The following TSHZ2 variants were observed in gnomAD, a reference collection of about 807,000 sequenced individuals.
The protein encoded by TSHZ2 is teashirt homolog 2.
Under a neutral mutation model 74.4 loss-of-function variants are expected in TSHZ2, and 21 were observed. The ratio of observed to expected loss-of-function variants is 0.28; its 90% confidence interval spans 0.20 to 0.41. The LOEUF is 0.41. TSHZ2 is among the 10% of genes least tolerant of loss of function. The pLI is 1.00. For missense variants in TSHZ2, 1,244 were observed against 1,293.5 expected (o/e 0.96, Z 0.59); for synonymous variants, 540 against 515.3 (o/e 1.05, Z -0.65).
Position 53,253,883 on chromosome 20 carries a change from G to A in TSHZ2, c.425G>A (p.Gly142Asp), listed in dbSNP as rs769652300. ...TCGGATTCCTACTGGTCAGGCCTGG[G>A]CCTTGGCTTCAAGCTGTCCAATAGT... ...ILSDSYWSGL[G>D]LGFKLSNSER... The change falls in exon 2 of 3, where the codon GGC (glycine) becomes GAC (aspartate). Residue 142 changes from glycine (G) to aspartate (D), a missense_variant. By Grantham distance (94) the Gly-to-Asp change is moderately conservative. Coordinates refer to ENST00000371497, the MANE Select transcript of TSHZ2 (RefSeq NM_173485.6). 1 of 1,614,216 alleles carries A rather than the reference G, an allele frequency of 6.2e-7. No homozygotes were observed.
At chr20:53,465,320 A>C (rs894612300) in intron 2 of TSHZ2, among the ~76,000 whole-genome samples, 1 of 151,962 alleles carries the variant, frequency 6.6e-6, no homozygotes, top group East Asian at 1.9e-4. Context: ...ACCCAGGCTG[A>C]AGTGCAATGG....
At chr20:53,204,820 G>A (rs538150165) in intron 1 of TSHZ2, among the ~76,000 whole-genome samples, 11 of 152,068 alleles carry the variant, frequency 7.2e-5, no homozygotes, top group African/African-American at 2.4e-4. Context: ...GGTGGCTCAC[G>A]CCTGTAATCC....
chr20:53,464,504 G>A (rs868406479), intron 2 of TSHZ2, among the ~76,000 whole-genome samples: 9 of 151,994 alleles, frequency 5.9e-5, no homozygotes, highest in South Asian at 2.1e-4. Flanking sequence ...CTCTCATTGC[G>A]CAGGCTAGAG....
chr20:53,306,400 G>A (rs1978546211), intron 2 of TSHZ2, among the ~76,000 whole-genome samples: 1 of 152,182 alleles, frequency 6.6e-6, no homozygotes, highest in African/African-American at 2.4e-5. Flanking sequence ...AGTAGAGGAA[G>A]CACAGCAGAG....
chr20:53,333,556 C>T (rs1209926408), intron 2 of TSHZ2, among the ~76,000 whole-genome samples: 12 of 151,948 alleles, frequency 7.9e-5, no homozygotes, highest in Non-Finnish European at 1.6e-4. Flanking sequence ...CCCGGGTTCA[C>T]GCCATTATCC....
chr20:53,332,664 G>A (rs1441024289), intron 2 of TSHZ2, among the ~76,000 whole-genome samples: 3 of 152,202 alleles, frequency 2.0e-5, no homozygotes, highest in Non-Finnish European at 1.5e-5. Flanking sequence ...TAAGAAGCCC[G>A]AGTGTGCTAA....
intron 2 of TSHZ2, among the ~76,000 whole-genome samples, chr20:53,387,733 T>G (rs1296780049): frequency 6.6e-6 from 1 of 152,112 alleles, no homozygotes; most frequent in African/African-American, 2.4e-5. Context: ...TTGGCAAGAA[T>G]GGGAGTGAAA....
chr20:52,987,295 C>T (rs1981803566), intron 1 of TSHZ2, among the ~76,000 whole-genome samples: 1 of 152,086 alleles, frequency 6.6e-6, no homozygotes, highest in African/African-American at 2.4e-5. Flanking sequence ...TTGCAGATTC[C>T]AGACCTACAG....
chr20:53,307,432 T>C (rs1330896088), intron 2 of TSHZ2, among the ~76,000 whole-genome samples: 1 of 152,170 alleles, frequency 6.6e-6, no homozygotes, highest in Non-Finnish European at 1.5e-5. Flanking sequence ...AGCAGCTGTT[T>C]CGACCCTTCA....
chr20:53,468,796 CAT>C (rs529135252), intron 2 of TSHZ2, among the ~76,000 whole-genome samples: 1 of 149,964 alleles, frequency 6.7e-6, no homozygotes, highest in Non-Finnish European at 1.5e-5. Context: ...ATTTGAGACA[CAT>C]ATTACAAATT....
At chr20:53,119,086 A>G (rs1986742346) in intron 1 of TSHZ2, among the ~76,000 whole-genome samples, 1 of 152,094 alleles carries the variant, frequency 6.6e-6, no homozygotes, top group Admixed American at 6.5e-5. Flanking sequence ...CCATGATCCA[A>G]CCACCTCCCA....
chr20:53,478,427 C>G (rs996342764), intron 2 of TSHZ2, among the ~76,000 whole-genome samples: 3 of 149,202 alleles, frequency 2.0e-5, no homozygotes, highest in Non-Finnish European at 4.4e-5. Flanking sequence ...AAACCAAACA[C>G]TGCATATTCT....
chr20:53,143,552 C>A (rs1987462566), intron 1 of TSHZ2, among the ~76,000 whole-genome samples: 1 of 152,054 alleles, frequency 6.6e-6, no homozygotes, highest in South Asian at 2.1e-4. Flanking sequence ...ATTAGCCGGG[C>A]ATGGTGGCGG....
At chr20:53,469,730 G>GAGGA (rs767245445) in intron 2 of TSHZ2, among the ~76,000 whole-genome samples, 766 of 61,750 alleles carry the variant, frequency 0.012, 32 homozygotes, top group Non-Finnish European at 0.02. Flanking sequence ...GGAAGGGAGG[G>GAGGA]AGGAAGGAAG....
intron 1 of TSHZ2, among the ~76,000 whole-genome samples, chr20:53,028,597 A>G (rs6097197): frequency 0.41 from 62,726 of 152,104 alleles, 13,255 homozygotes; most frequent in African/African-American, 0.48. Context: ...ATTCAATGTC[A>G]TGCTTTTTGG....
chr20:53,045,637 C>G (rs1009406670), intron 1 of TSHZ2, among the ~76,000 whole-genome samples: 2 of 152,212 alleles, frequency 1.3e-5, no homozygotes, highest in Non-Finnish European at 2.9e-5. Context: ...AAAGTCTAAT[C>G]CAGTGGTAAC....
intron 1 of TSHZ2, among the ~76,000 whole-genome samples, chr20:53,244,142 G>C (rs1347174480): frequency 1.3e-5 from 2 of 152,024 alleles, no homozygotes; most frequent in Admixed American, 1.3e-4. Context: ...AAAAAATACA[G>C]ATGGTGCAGC....
In TSHZ2 at chr20:53,458,378, T is replaced by G. The variant is rs536413532; in HGVS notation, c.*9-28766T>G. The stretch of plus-strand genomic sequence containing the variant: ...GTTTGTAGTATTCTCTGATGGTAGT[T>G]TGTATTTCTGTGGGATCAGTGGTGA... On this transcript the variant is annotated intron_variant, in intron 2 of 2. Transcript: ENST00000371497. Among the ~76,000 whole-genome samples the G allele has an allele frequency of 2.9e-3, 447 of 152,264 alleles. 1 individual carries two copies. Among genetic ancestry groups the G allele is most frequent in the Non-Finnish European group, 4.4e-3 (301 of 68,018 alleles).
intron 1 of TSHZ2, among the ~76,000 whole-genome samples, chr20:53,083,889 G>T (rs1376878008): frequency 6.6e-6 from 1 of 151,728 alleles, no homozygotes; most frequent in Non-Finnish European, 1.5e-5. Flanking sequence ...TTAACTGTAA[G>T]CATTTATTGC....
Sources: allele counts gnomAD v4.1 joint callset (sites outside exome capture counted in the v4.1 genomes callset), GRCh38; gene constraint gnomAD v4.1.1; transcripts MANE v1.5; gene names NCBI Gene and HGNC (gene_info 2026-07-23, HGNC 2026-07-21).